NTM: variants seen among roughly 807,000 people sequenced by gnomAD.
The protein encoded by NTM is IgLON family member 2.
Under a neutral mutation model 42.1 loss-of-function variants are expected in NTM, and 13 were observed. That is an observed-to-expected ratio of 0.31 (90% CI 0.20 to 0.49). The LOEUF (loss-of-function observed/expected upper bound fraction) is 0.49. Among genes scored for constraint, NTM ranks in the 20% least tolerant of loss-of-function variants. The pLI, the probability that NTM is intolerant of heterozygous loss-of-function variation, is 0.99. For missense variants in NTM, 373 were observed against 452.8 expected, an observed-to-expected ratio of 0.82 and a Z score of 1.60; for synonymous variants, 187 against 179.2, an observed-to-expected ratio of 1.04 and a Z score of -0.35.
intron 1 of NTM, among the ~76,000 whole-genome samples, chr11:131,501,780 C>T (rs755180036): frequency 3.3e-5 from 5 of 152,096 alleles, no homozygotes; most frequent in Non-Finnish European, 5.9e-5. Flanking sequence ...AAATCACTGG[C>T]GATTGCAAGG....
chr11:131,477,522 T>C (rs1019216186), intron 1 of NTM, among the ~76,000 whole-genome samples: 5 of 151,912 alleles, frequency 3.3e-5, no homozygotes, highest in Non-Finnish European at 4.4e-5. Context: ...AGAGGGTTCA[T>C]TGTGATTCCA....
intron 2 of NTM, among the ~76,000 whole-genome samples, chr11:132,136,912 A>G (rs1479305006): frequency 6.6e-6 from 1 of 152,166 alleles, no homozygotes; most frequent in Admixed American, 6.5e-5. Flanking sequence ...TGGCTTCCCC[A>G]GAGGCCAGTG....
At chr11:131,767,838 C>T (rs1367896930) in intron 1 of NTM, among the ~76,000 whole-genome samples, 2 of 152,114 alleles carry the variant, frequency 1.3e-5, no homozygotes, top group African/African-American at 2.4e-5. Context: ...AGGCTTTATT[C>T]ATGAGACATC....
chr11:131,995,407 G>A (rs1415204808), intron 2 of NTM, among the ~76,000 whole-genome samples: 2 of 152,086 alleles, frequency 1.3e-5, no homozygotes, highest in East Asian at 1.9e-4. Context: ...AGGACCTGGA[G>A]GGATGGAACT....
Position 131,660,179 on chromosome 11 carries a change from G to A in NTM, c.83-251385G>A, listed in dbSNP as rs112737676. The A allele has an allele frequency of 9.3e-4, 225 of 241,894 alleles. 1 individual carries two copies. Among genetic ancestry groups the A allele is most frequent in the African/African-American group, 4.5e-3 (205 of 45,504 alleles). The allele number at this position is 241,894 out of a possible 1,614,324, so 15.0% of individuals were successfully genotyped here. On this transcript the variant is annotated intron_variant, in intron 1 of 8. Transcript: ENST00000683400. The stretch of plus-strand genomic sequence containing the variant: ...TATCTCAGGGTTCTCAAAGTGTCCC[G>A]TAGGACTCGGGTGGGCCAGTTTGCA...
chr11:132,153,966 G>A (rs2072571937), intron 3 of NTM, among the ~76,000 whole-genome samples: 1 of 152,204 alleles, frequency 6.6e-6, no homozygotes, highest in African/African-American at 2.4e-5. Flanking sequence ...GGTCTTCAAT[G>A]GGCAGTAGAG....
At chr11:131,443,708 C>T (rs78833645) in intron 1 of NTM, among the ~76,000 whole-genome samples, 3,628 of 152,230 alleles carry the variant, frequency 0.024, 85 homozygotes, top group Non-Finnish European at 0.038. Flanking sequence ...AACTCACTTC[C>T]AAGGTTATGT....
At chr11:132,252,938 A>G (rs1254033762) in intron 4 of NTM, among the ~76,000 whole-genome samples, 2 of 152,200 alleles carry the variant, frequency 1.3e-5, no homozygotes, top group Non-Finnish European at 2.9e-5. Flanking sequence ...GATCTAACGA[A>G]CCCAGTTTCC....
Position 131,869,906 on chromosome 11 carries a change from T to C in NTM, c.83-41658T>C, listed in dbSNP as rs1457917686. Among the ~76,000 whole-genome samples the C allele has an allele frequency of 2.0e-5, 3 of 152,218 alleles. No individual in the cohort carries two copies. The East Asian group carries it at 5.8e-4, about 29-fold the overall frequency. On this transcript the variant is annotated intron_variant, in intron 1 of 8. Transcript: ENST00000683400. ...TTAAGGACTTCACTGTTGGTACAGCTTTAAGTCAGCCGATATTTACTGATC... is the reference window on the plus strand; with the variant it reads ...TTAAGGACTTCACTGTTGGTACAGCCTTAAGTCAGCCGATATTTACTGATC...
chr11:131,484,639 G>A (rs919128646), intron 1 of NTM, among the ~76,000 whole-genome samples: 12 of 152,132 alleles, frequency 7.9e-5, no homozygotes, highest in East Asian at 3.9e-4. Context: ...TTCCTCCTGC[G>A]TAGACACTGC....
rs77753032 is a variant in NTM at position 131,796,500 on chromosome 11, G to A, written c.83-115064G>A. On this transcript the variant is annotated intron_variant, in intron 1 of 8. Coordinates refer to ENST00000683400, the MANE Select transcript of NTM (RefSeq NM_001352005.2). ...TTGCAGGGAAAATGCCACAGGAACC[G>A]CAGGCCAACACAAAGGGGCAAGTGC... Among the ~76,000 whole-genome samples the A allele has an allele frequency of 1.1e-3, 166 of 152,292 alleles. No homozygotes were observed. The East Asian group carries it at 0.019, about 17-fold the overall frequency.
At chr11:131,983,861 C>T (rs1182050711) in intron 2 of NTM, among the ~76,000 whole-genome samples, 1 of 152,130 alleles carries the variant, frequency 6.6e-6, no homozygotes, top group African/African-American at 2.4e-5. Context: ...CACATGACGT[C>T]CAAAGTTCCC....
intron 2 of NTM, among the ~76,000 whole-genome samples, chr11:131,982,236 TTTTG>T (rs2065360094): frequency 6.6e-6 from 1 of 151,982 alleles, no homozygotes; most frequent in Non-Finnish European, 1.5e-5. Flanking sequence ...GGAGGCTCCT[TTTTG>T]TTTGTTTTGT....
At chr11:132,022,600 A>C (rs2074520720) in intron 2 of NTM, among the ~76,000 whole-genome samples, 1 of 152,164 alleles carries the variant, frequency 6.6e-6, no homozygotes, top group Non-Finnish European at 1.5e-5. Flanking sequence ...CTGTGAAGTA[A>C]ATTACAAGTT....
intron 3 of NTM, among the ~76,000 whole-genome samples, chr11:132,205,016 C>T (rs1485713721): frequency 6.6e-6 from 1 of 152,152 alleles, no homozygotes; most frequent in Non-Finnish European, 1.5e-5. Flanking sequence ...GTCTGGAAGC[C>T]AGAAAGGTTA....
intron 3 of NTM, among the ~76,000 whole-genome samples, chr11:132,186,596 T>A (rs2078437691): frequency 6.6e-6 from 1 of 152,260 alleles, no homozygotes; most frequent in African/African-American, 2.4e-5. Context: ...TGTTTTGTTT[T>A]GTTTTGAAAT....
intron 2 of NTM, among the ~76,000 whole-genome samples, chr11:131,970,039 G>A (rs1368686708): frequency 6.6e-6 from 1 of 152,042 alleles, no homozygotes; most frequent in Non-Finnish European, 1.5e-5. Flanking sequence ...CGAACTCCTG[G>A]GCCCAAGTAA....
At chr11:132,027,586 A>G (rs576820971) in intron 2 of NTM, among the ~76,000 whole-genome samples, 1 of 152,146 alleles carries the variant, frequency 6.6e-6, no homozygotes. Flanking sequence ...TCCTGTATGC[A>G]TGGTTTCTGA....
At position 131,793,461 on chromosome 11, in the gene NTM, C is replaced by T. The variant is rs140301068; in HGVS notation, c.83-118103C>T. 8.5e-5 allele frequency among the ~76,000 whole-genome samples: 13 copies of T among 152,308 alleles called. No homozygotes were observed. The East Asian group carries it at 2.5e-3, about 29-fold the overall frequency. ...TACTTTACTGTGTTATGTTCTTTAA[C>T]TTGAAGCAACTCTAGCAAATAGCAA... On this transcript the variant is annotated intron_variant, in intron 1 of 8. Coordinates refer to ENST00000683400, the MANE Select transcript of NTM (RefSeq NM_001352005.2).
Sources: gnomAD v4.1 joint callset for allele counts (sites outside exome capture counted in the v4.1 genomes callset) on GRCh38, gnomAD v4.1.1 for gene constraint, MANE v1.5 for transcripts, NCBI Gene and HGNC (gene_info 2026-07-23, HGNC 2026-07-21) for gene names.